Variants in C16orf96 observed in about 807,000 individuals in gnomAD.
C16orf96 encodes the protein uncharacterized protein C16orf96.
In C16orf96, 108 loss-of-function variants were observed where a neutral mutation model predicts 103.6. The observed-to-expected ratio is 1.04, with a 90% CI of 0.89 to 1.22. C16orf96 has a LOEUF of 1.22. Among genes scored for constraint, C16orf96 ranks in the 50% most tolerant of loss-of-function variants. C16orf96 has a pLI of 0.00. For synonymous variants in C16orf96, 566 were observed against 593.5 expected, an observed-to-expected ratio of 0.95 and a Z score of 0.67; for missense variants, 1,586 against 1,464.2, an observed-to-expected ratio of 1.08 and a Z score of -1.36.
At chr16:4,561,929 C>T (rs1596514711) in intron 1 of C16orf96, among the ~76,000 whole-genome samples, 1 of 152,120 alleles carries the variant, frequency 6.6e-6, no homozygotes, top group Non-Finnish European at 1.5e-5. Flanking sequence ...GCCTCACAGG[C>T]GAAAACAAGG....
chr16:4,578,768 T>A (rs1018105519), intron 5 of C16orf96, among the ~76,000 whole-genome samples, 172 bp from the exon 6 acceptor site: 2 of 151,882 alleles, frequency 1.3e-5, no homozygotes, highest in Non-Finnish European at 2.9e-5. Flanking sequence ...AAAAATAAAT[T>A]AATTAAAAAA....
chr16:4,589,706 A>C (rs1432964748), intron 9 of C16orf96, among the ~76,000 whole-genome samples: 1 of 152,214 alleles, frequency 6.6e-6, no homozygotes, highest in Non-Finnish European at 1.5e-5. Context: ...GCTGGAGATG[A>C]CATCCAATTC....
chr16:4,570,463 C>CTTT (rs59843201), intron 1 of C16orf96, among the ~76,000 whole-genome samples: 2 of 91,462 alleles, frequency 2.2e-5, no homozygotes, highest in African/African-American at 3.9e-5. Flanking sequence ...TCACAACACG[C>CTTT]TTTTTTTTTT....
Position 4,600,462 on chromosome 16 carries a change from C to G in C16orf96, c.*145C>G. 1 of 567,000 alleles carries G rather than the reference C, an allele frequency of 1.8e-6. No individual in the cohort carries two copies. 35.1% of individuals were successfully genotyped at this position (567,000 alleles called of 1,614,324 possible). A position where few individuals can be genotyped will look rare whatever the true frequency, so the allele number is the denominator to read the frequency against. The stretch of plus-strand genomic sequence containing the variant: ...CCCACCCCCACCCCCACCAAGTCCC[C>G]TCCATGTCCGAGGCTGAGGCTCATG... On this transcript the variant is annotated 3_prime_UTR_variant, in exon 16 of 16. Transcript: ENST00000444310.
the C16orf96 span, among the ~76,000 whole-genome samples, chr16:4,540,864 C>T: frequency 6.6e-5 from 10 of 152,064 alleles, no homozygotes; most frequent in South Asian, 4.2e-4. Context: ...CTGCCTCAGC[C>T]TCCCAAGTAG....
intron 5 of C16orf96, among the ~76,000 whole-genome samples, chr16:4,577,830 C>A (rs1274490263): frequency 1.3e-5 from 2 of 152,192 alleles, no homozygotes; most frequent in East Asian, 3.9e-4. Context: ...ATAGTGCGCG[C>A]CTGTAATCCC....
intron 1 of C16orf96, among the ~76,000 whole-genome samples, chr16:4,562,505 T>G (rs1053913417): frequency 1.3e-5 from 2 of 151,904 alleles, no homozygotes; most frequent in African/African-American, 4.8e-5. Flanking sequence ...GAGTGCAAGT[T>G]CTTTTATATA....
chr16:4,551,169 G>A, the C16orf96 span, among the ~76,000 whole-genome samples: 1 of 152,182 alleles, frequency 6.6e-6, no homozygotes, highest in African/African-American at 2.4e-5. Flanking sequence ...CTACTCGGAG[G>A]GTGAGGCAGA....
intron 1 of C16orf96, 86 bp downstream of exon 1, chr16:4,556,995 C>T (rs1356340536): frequency 1.3e-5 from 18 of 1,376,050 alleles, no homozygotes; most frequent in Admixed American, 2.8e-5. Context: ...TTTGAGACTC[C>T]GTCTCGCTCT....
intron 2 of C16orf96, among the ~76,000 whole-genome samples, chr16:4,574,070 T>C (rs536324480): frequency 1.3e-5 from 2 of 152,204 alleles, no homozygotes; most frequent in East Asian, 1.9e-4. Context: ...CCTGAACTCA[T>C]GATCCACCCG....
intron 9 of C16orf96, among the ~76,000 whole-genome samples, chr16:4,590,581 TA>T (rs1596536665): frequency 1.3e-5 from 2 of 148,596 alleles, no homozygotes; most frequent in East Asian, 2.0e-4. Flanking sequence ...AATAAATAAA[TA>T]AAATAAAAGT....
At chr16:4,581,290 G>T (rs925855847) in intron 7 of C16orf96, among the ~76,000 whole-genome samples, 6 of 149,178 alleles carry the variant, frequency 4.0e-5, no homozygotes, top group African/African-American at 1.5e-4. Context: ...AGCTGAGATT[G>T]CGCCATTGCA....
the C16orf96 span, among the ~76,000 whole-genome samples, chr16:4,550,905 A>G: frequency 3.3e-5 from 5 of 152,328 alleles, no homozygotes; most frequent in African/African-American, 1.2e-4. Context: ...GAGCCAGCAA[A>G]ACCCAAATGG....
rs1324476076 is a variant in C16orf96, at chr16:4,600,209, A to T, written c.3318A>T (p.Pro1106=). The part of the protein sequence containing the change: ...PPLLLLPPLI[P]SLRDPQQAPG... ...TGCTGCTGCTGCCACCGCTGATTCCATCCCTAAGGGACCCCCAGCAGGCCC... is the reference window on the plus strand; with the variant it reads ...TGCTGCTGCTGCCACCGCTGATTCCTTCCCTAAGGGACCCCCAGCAGGCCC... Residue 1106 remains proline, a synonymous_variant, in exon 16 of 16, where the codon CCA becomes CCT. Transcript: ENST00000444310. 1 of 1,551,008 alleles carries T rather than the reference A, an allele frequency of 6.4e-7. No individual in the cohort carries two copies. Among genetic ancestry groups the T allele is most frequent in the Non-Finnish European group, 8.7e-7 (1 of 1,146,814 alleles).
chr16:4,555,098 A>G (rs543140051), upstream of C16orf96, among the ~76,000 whole-genome samples: 250 of 151,532 alleles, frequency 1.6e-3, no homozygotes, highest in African/African-American at 5.5e-3. Flanking sequence ...CCCCATCTCC[A>G]CTAAAAATAT....
At chr16:4,542,897 C>T in the C16orf96 span, among the ~76,000 whole-genome samples, 1 of 152,104 alleles carries the variant, frequency 6.6e-6, no homozygotes, top group Non-Finnish European at 1.5e-5. Flanking sequence ...TTGGAGCAGT[C>T]ACATTTCAGG....
In C16orf96 at chr16:4,575,228, G is replaced by T; in HGVS notation, c.748G>T (p.Ala250Ser). 6.5e-7 allele frequency: 1 copy of T among 1,548,112 alleles called. No individual in the cohort carries two copies. ...GCAGTCTGTAGAGCAGCTCCCAGAG[G>T]CTGCCCTGGCCCAGACCACCAAGTA... ...LWQSVEQLPEAALAQTTKYLE... is the reference protein window; with the variant it reads ...LWQSVEQLPESALAQTTKYLE... Residue 250 changes from alanine to serine, a missense_variant, in exon 5 of 16, where the codon GCT (alanine) becomes TCT (serine). By Grantham distance (99) the Ala-to-Ser change is moderately conservative (BLOSUM62 1). Coordinates refer to ENST00000444310, the MANE Select transcript of C16orf96 (RefSeq NM_001145011.2).
intron 5 of C16orf96, 37 bp downstream of exon 5, chr16:4,576,672 G>C: frequency 1.3e-6 from 2 of 1,511,808 alleles, no homozygotes; most frequent in Non-Finnish European, 1.8e-6. Context: ...GCACAAGGGA[G>C]TGGGGCTCTC....
At chr16:4,540,976 C>A in the C16orf96 span, among the ~76,000 whole-genome samples, 46 of 149,038 alleles carry the variant, frequency 3.1e-4, no homozygotes, top group Admixed American at 4.8e-4. Flanking sequence ...TGCAGTGGCT[C>A]GATCTCGGCT....
Sources: gnomAD v4.1 joint callset for allele counts (sites outside exome capture counted in the v4.1 genomes callset) on GRCh38, gnomAD v4.1.1 for gene constraint, MANE v1.5 for transcripts, NCBI Gene and HGNC (gene_info 2026-07-23, HGNC 2026-07-21) for gene names.